BICC1: variants seen among roughly 807,000 people sequenced by gnomAD.
The protein encoded by BICC1 is protein bicaudal C homolog 1.
In BICC1, 43 loss-of-function variants were observed where a neutral mutation model predicts 111.0. The ratio of observed to expected loss-of-function variants is 0.39; its 90% CI spans 0.30 to 0.50. The LOEUF (loss-of-function observed/expected upper bound fraction) is 0.50, where lower values mean the gene tolerates loss of function less well. Ranked by LOEUF, BICC1 falls within the 20% of genes least tolerant of loss-of-function variation. BICC1 has a pLI of 0.88. For missense variants in BICC1, 1,091 were observed against 1,203.2 expected, an observed-to-expected ratio of 0.91 and a Z score of 1.38; for synonymous variants, 467 against 434.4, an observed-to-expected ratio of 1.07 and a Z score of -0.93.
At position 58,807,173 on chromosome 10, in the gene BICC1, G is replaced by T; in HGVS notation, c.2376+15G>T. On this transcript the variant is annotated intron_variant, in intron 17 of 20. Transcript: ENST00000373886. ...CCACTTATGAGGTTTGTAGAGTCATGTCCTACTCATTCTTCCTGTCTGTTC... is the reference window on the plus strand; with the variant it reads ...CCACTTATGAGGTTTGTAGAGTCATTTCCTACTCATTCTTCCTGTCTGTTC... 1 of 1,602,320 alleles carries T rather than the reference G, an allele frequency of 6.2e-7. No individual in the cohort carries two copies. Among genetic ancestry groups the T allele is most frequent in the African/African-American group, 1.3e-5 (1 of 74,638 alleles).
intron 3 of BICC1, among the ~76,000 whole-genome samples, chr10:58,763,205 C>G (rs890339671): frequency 6.6e-6 from 1 of 152,114 alleles, no homozygotes; most frequent in African/African-American, 2.4e-5. Flanking sequence ...TGAATACACT[C>G]TAAAAATATA....
chr10:58,554,399 T>G (rs977663881), intron 1 of BICC1, among the ~76,000 whole-genome samples: 18 of 152,174 alleles, frequency 1.2e-4, no homozygotes, highest in Non-Finnish European at 2.1e-4. Context: ...AAAATTGAAC[T>G]TTAGTCAATG....
intron 2 of BICC1, among the ~76,000 whole-genome samples, chr10:58,679,679 C>T (rs569515970): frequency 7.2e-5 from 11 of 152,316 alleles, no homozygotes; most frequent in African/African-American, 2.6e-4. Flanking sequence ...CTCTCTAACT[C>T]ATTTTATGAG....
chr10:58,689,009 C>G (rs1839835968), intron 2 of BICC1, among the ~76,000 whole-genome samples: 1 of 152,038 alleles, frequency 6.6e-6, no homozygotes, highest in South Asian at 2.1e-4. Context: ...GCACATGTAT[C>G]CCAGAACTTA....
chr10:58,828,733 C>T (rs919919826), intron 20 of BICC1, 28 bp from the exon 21 acceptor site: 6 of 1,609,614 alleles, frequency 3.7e-6, no homozygotes, highest in Non-Finnish European at 3.4e-6. Context: ...CTCTTGAGCT[C>T]CTAACAATTC....
At chr10:58,525,219 C>T (rs1842499750) in intron 1 of BICC1, among the ~76,000 whole-genome samples, 1 of 122,326 alleles carries the variant, frequency 8.2e-6, no homozygotes. Context: ...TGGGTATATA[C>T]CCAAAGGATT....
At chr10:58,516,610 G>A (rs1287016172) in intron 1 of BICC1, among the ~76,000 whole-genome samples, 1 of 151,968 alleles carries the variant, frequency 6.6e-6, no homozygotes, top group African/African-American at 2.4e-5. Flanking sequence ...TTTTATAAAT[G>A]GAAATTTATT....
chr10:58,685,546 T>C (rs1839693221), intron 2 of BICC1, among the ~76,000 whole-genome samples: 1 of 152,318 alleles, frequency 6.6e-6, no homozygotes, highest in Non-Finnish European at 1.5e-5. Context: ...TGAATCTGGG[T>C]GCTCCTGTAT....
intron 1 of BICC1, among the ~76,000 whole-genome samples, chr10:58,582,282 C>T (rs1228388372): frequency 1.3e-5 from 2 of 152,188 alleles, no homozygotes; most frequent in Non-Finnish European, 2.9e-5. Context: ...GTCATATTGC[C>T]TAGTTTTCTA....
intron 20 of BICC1, 63 bp downstream of exon 20, chr10:58,820,531 A>C: frequency 8.0e-7 from 1 of 1,255,888 alleles, no homozygotes; most frequent in Admixed American, 1.7e-5. Flanking sequence ...GGTCTCAGCC[A>C]TTGGGTTGTT....
At chr10:58,786,255 AT>A (rs1843008100) in intron 4 of BICC1, among the ~76,000 whole-genome samples, 1 of 152,098 alleles carries the variant, frequency 6.6e-6, no homozygotes, top group Non-Finnish European at 1.5e-5. Context: ...TGACCACAGC[AT>A]TTTTATTTAT....
At chr10:58,520,524 T>A (rs1044912575) in intron 1 of BICC1, among the ~76,000 whole-genome samples, 2 of 152,136 alleles carry the variant, frequency 1.3e-5, no homozygotes, top group African/African-American at 4.8e-5. Context: ...AAGTATTAAA[T>A]CTTGTTCCCA....
chr10:58,779,277 T>G (rs527610317), intron 3 of BICC1, among the ~76,000 whole-genome samples: 1 of 152,340 alleles, frequency 6.6e-6, no homozygotes, highest in South Asian at 2.1e-4. Context: ...TGAAGTAGAC[T>G]CTCGTCTTTG....
At chr10:58,814,164 T>C in intron 18 of BICC1, 178 bp downstream of exon 18, 1 of 716,378 alleles carries the variant, frequency 1.4e-6, no homozygotes, top group Non-Finnish European at 2.5e-6. Flanking sequence ...TGGTTCTCTT[T>C]CCTCTCACTC....
chr10:58,548,958 C>T (rs541645029), intron 1 of BICC1, among the ~76,000 whole-genome samples: 1 of 152,144 alleles, frequency 6.6e-6, no homozygotes, highest in South Asian at 2.1e-4. Flanking sequence ...TTCCTGGGCT[C>T]AGGTGATTTT....
At chr10:58,723,471 G>C (rs1207117743) in intron 3 of BICC1, among the ~76,000 whole-genome samples, 1 of 152,170 alleles carries the variant, frequency 6.6e-6, no homozygotes, top group African/African-American at 2.4e-5. Context: ...TCTTAGGATA[G>C]TTCTATGCCT....
intron 3 of BICC1, among the ~76,000 whole-genome samples, chr10:58,735,195 A>G (rs1841431145): frequency 6.6e-6 from 1 of 152,220 alleles, no homozygotes; most frequent in South Asian, 2.1e-4. Context: ...TGTTCTTTTC[A>G]TAGCCCTTTT....
intron 2 of BICC1, among the ~76,000 whole-genome samples, chr10:58,697,959 T>C (rs1466950199): frequency 6.8e-6 from 1 of 146,362 alleles, no homozygotes; most frequent in African/African-American, 2.5e-5. Context: ...CACACTCCAC[T>C]ACTCCCATCA....
intron 3 of BICC1, among the ~76,000 whole-genome samples, chr10:58,747,337 A>G (rs1025095051): frequency 2.0e-5 from 3 of 152,138 alleles, no homozygotes; most frequent in Non-Finnish European, 2.9e-5. Flanking sequence ...CATTTTGATT[A>G]TATCTTTGTA....
Sources: allele counts gnomAD v4.1 joint callset (sites outside exome capture counted in the v4.1 genomes callset), GRCh38; gene constraint gnomAD v4.1.1; transcripts MANE v1.5; gene names NCBI Gene and HGNC (gene_info 2026-07-23, HGNC 2026-07-21).